Variants in PRKCQ observed in about 807,000 individuals in gnomAD.
The protein encoded by PRKCQ is protein kinase C theta, also known as protein kinase C theta type.
PRKCQ carries 41 observed loss-of-function variants against 91.2 expected under a neutral mutation model. The ratio of observed to expected loss-of-function variants is 0.45; its 90% CI spans 0.35 to 0.58. The LOEUF (loss-of-function observed/expected upper bound fraction) is 0.58. PRKCQ is among the 20% of genes least tolerant of loss of function. The pLI is 0.00. For missense variants in PRKCQ, 673 were observed against 896.5 expected (o/e 0.75, Z 3.18); for synonymous variants, 307 against 316.9 (o/e 0.97, Z 0.33).
At chr10:6,395,880 C>A in the PRKCQ span, among the ~76,000 whole-genome samples, 2,045 of 152,198 alleles carry the variant, frequency 0.013, 23 homozygotes, top group South Asian at 0.022. Flanking sequence ...CAGAGGCCAA[C>A]CTTTTCCTTC....
chr10:6,574,037 G>A (rs919529396), intron 1 of PRKCQ, among the ~76,000 whole-genome samples: 11 of 152,188 alleles, frequency 7.2e-5, no homozygotes. Flanking sequence ...GATCCCTTGA[G>A]CCTCAGAGGC....
chr10:6,468,807 A>C (rs1200548905), intron 12 of PRKCQ, among the ~76,000 whole-genome samples: 1 of 152,244 alleles, frequency 6.6e-6, no homozygotes, highest in African/African-American at 2.4e-5. Flanking sequence ...GACACGTAAC[A>C]AATGTTACAA....
At chr10:6,471,898 C>T (rs905970687) in intron 12 of PRKCQ, among the ~76,000 whole-genome samples, 8 of 152,206 alleles carry the variant, frequency 5.3e-5, no homozygotes, top group Non-Finnish European at 1.2e-4. Context: ...GGTGACAATA[C>T]TTTTGGGACT....
intron 14 of PRKCQ, 141 bp from the exon 15 acceptor site, chr10:6,456,953 C>T (rs907363248): frequency 5.1e-6 from 4 of 791,634 alleles, no homozygotes; most frequent in Admixed American, 2.5e-5. Flanking sequence ...TCCACTTGCA[C>T]ACCAAGTGGG....
chr10:6,495,771 G>A (rs569579740), intron 7 of PRKCQ, among the ~76,000 whole-genome samples: 47 of 152,342 alleles, frequency 3.1e-4, no homozygotes, highest in Middle Eastern at 3.4e-3. Context: ...ATGAGTGACA[G>A]AGTGGAGTAA....
intron 12 of PRKCQ, among the ~76,000 whole-genome samples, chr10:6,466,580 G>A (rs1032554415): frequency 1.3e-5 from 2 of 152,236 alleles, no homozygotes; most frequent in Admixed American, 6.5e-5. Flanking sequence ...TAGCACAAAT[G>A]TATGCACATA....
At chr10:6,447,544 T>C (rs1834382240) in intron 15 of PRKCQ, among the ~76,000 whole-genome samples, 1 of 152,198 alleles carries the variant, frequency 6.6e-6, no homozygotes, top group East Asian at 1.9e-4. Context: ...AGTGGGGCTT[T>C]TGAGACGCAC....
intron 15 of PRKCQ, among the ~76,000 whole-genome samples, chr10:6,454,198 T>C (rs979907785): frequency 2.0e-5 from 3 of 152,192 alleles, no homozygotes; most frequent in Admixed American, 6.5e-5. Flanking sequence ...ATGTATATGA[T>C]TCATATATAA....
At chr10:6,408,919 T>C in the PRKCQ span, among the ~76,000 whole-genome samples, 7 of 152,176 alleles carry the variant, frequency 4.6e-5, no homozygotes, top group Non-Finnish European at 1.0e-4. Flanking sequence ...TCATAGAGCA[T>C]GTTCAGATTC....
chr10:6,535,767 A>C (rs540663140), intron 1 of PRKCQ, among the ~76,000 whole-genome samples: 2 of 152,276 alleles, frequency 1.3e-5, no homozygotes, highest in East Asian at 3.9e-4. Flanking sequence ...CCTGAGATCC[A>C]TCAAAGCGGA....
At chr10:6,442,186 G>A in intron 15 of PRKCQ, 105 bp from the exon 16 acceptor site, 1 of 1,147,964 alleles carries the variant, frequency 8.7e-7, no homozygotes, top group Admixed American at 2.4e-5. Flanking sequence ...GAGGATGATG[G>A]TGTGCAAGAA....
At chr10:6,411,199 C>T in the PRKCQ span, among the ~76,000 whole-genome samples, 5 of 152,150 alleles carry the variant, frequency 3.3e-5, no homozygotes, top group Non-Finnish European at 5.9e-5. Flanking sequence ...GCTTTCTGTT[C>T]TTTAAGCTCT....
chr10:6,401,753 C>G, the PRKCQ span, among the ~76,000 whole-genome samples: 2 of 152,082 alleles, frequency 1.3e-5, no homozygotes, highest in African/African-American at 4.8e-5. Flanking sequence ...GACTTCCACC[C>G]GATAATTCTA....
At chr10:6,442,316 C>T (rs1162059611) in intron 15 of PRKCQ, among the ~76,000 whole-genome samples, 2 of 152,146 alleles carry the variant, frequency 1.3e-5, no homozygotes, top group African/African-American at 4.8e-5. Context: ...TGTACTTTTC[C>T]TCTGCTTATA....
rs2130987228 is a variant in PRKCQ at position 6,576,283 on chromosome 10, A to G, written c.-10+3928T>C. The stretch of plus-strand genomic sequence containing the variant: ...CCTCTTCACGGCAGCATTATTCACA[A>G]TAATCAAAAGATAGAAGCAACCATC... On this transcript the variant is annotated intron_variant, in intron 1 of 17. Transcript: ENST00000263125. The surrounding 1 kb of genome is among the most constrained non-coding windows in gnomAD (Gnocchi z 4.2). Among the ~76,000 whole-genome samples the G allele has an allele frequency of 6.6e-6, 1 of 152,348 alleles. No homozygotes were observed. The highest frequency in any genetic ancestry group is 6.5e-5 in the Admixed American group (1 of 15,306).
intron 4 of PRKCQ, among the ~76,000 whole-genome samples, chr10:6,499,294 G>A (rs1373321847): frequency 1.3e-5 from 2 of 152,112 alleles, no homozygotes; most frequent in Non-Finnish European, 2.9e-5. Flanking sequence ...TTTACTCTGG[G>A]CTCATAAATA....
At chr10:6,516,610 C>A (rs1348986787) in intron 1 of PRKCQ, among the ~76,000 whole-genome samples, 6 of 152,188 alleles carry the variant, frequency 3.9e-5, no homozygotes, top group Non-Finnish European at 8.8e-5. Context: ...CTCCACAAAT[C>A]AGGAAAAATC....
Position 6,580,268 on chromosome 10 carries a change from G to C in PRKCQ, c.-67C>G, listed in dbSNP as rs1588446636. 1.8e-5 allele frequency: 1 copy of C among 56,774 alleles called. No homozygotes were observed. The highest frequency in any genetic ancestry group is 3.3e-4 in the East Asian group (1 of 3,002). 3.5% of individuals were successfully genotyped at this position (56,774 alleles called of 1,614,324 possible). A position where few individuals can be genotyped will look rare whatever the true frequency, so the allele number is the denominator to read the frequency against. The stretch of plus-strand genomic sequence containing the variant: ...GGCGCTGGGACTGCGCGGGGACTGC[G>C]CGGGGACTGCGCGGGGACTGGCGGG... On this transcript the variant is annotated 5_prime_UTR_variant, in exon 1 of 18. Transcript: ENST00000263125.
chr10:6,517,209 T>G (rs1838798813), intron 1 of PRKCQ, among the ~76,000 whole-genome samples: 1 of 152,156 alleles, frequency 6.6e-6, no homozygotes, highest in African/African-American at 2.4e-5. Flanking sequence ...GAGCACTTTT[T>G]AGGTGATCAT....
Sources: allele counts gnomAD v4.1 joint callset (sites outside exome capture counted in the v4.1 genomes callset), GRCh38; gene constraint gnomAD v4.1.1; non-coding constraint Gnocchi (gnomAD v3.1); transcripts MANE v1.5; gene names NCBI Gene and HGNC (gene_info 2026-07-23, HGNC 2026-07-21).